WDR12: variants seen among roughly 807,000 people sequenced by gnomAD.
The protein encoded by WDR12 is ribosome biogenesis protein WDR12.
WDR12 carries 42 observed loss-of-function variants against 64.3 expected under a neutral mutation model. The observed-to-expected ratio is 0.65, with a 90% CI of 0.51 to 0.84. The LOEUF (loss-of-function observed/expected upper bound fraction) is 0.84. Ranked by LOEUF, WDR12 falls within the 40% of genes least tolerant of loss-of-function variation. The pLI, the probability that WDR12 is intolerant of heterozygous loss-of-function variation, is 0.00. For synonymous variants in WDR12, 158 were observed against 173.3 expected, an observed-to-expected ratio of 0.91 and a Z score of 0.70; for missense variants, 469 against 494.6, an observed-to-expected ratio of 0.95 and a Z score of 0.49.
In WDR12 at chr2:202,907,893, G is replaced by T. The variant is rs1186896642; in HGVS notation, c.108C>A (p.Ile36=). The change falls in exon 2 of 13, where the codon ATC becomes ATA. Residue 36 remains isoleucine, a synonymous_variant. Transcript: ENST00000261015. ...AASEIADLSN[I]INKLLKDKNE... ...TTTTGTCCTTTAGTAGTTTATTGAT[G>T]ATGTTACTAAGGTCGGCAATTTCAG... 6.2e-7 allele frequency: 1 copy of T among 1,613,832 alleles called. No homozygotes were observed. Among genetic ancestry groups the T allele is most frequent in the African/African-American group, 1.3e-5 (1 of 74,904 alleles).
chr2:202,906,502 C>A (rs1688458973), intron 2 of WDR12, among the ~76,000 whole-genome samples: 2 of 152,190 alleles, frequency 1.3e-5, no homozygotes, highest in South Asian at 4.1e-4. Flanking sequence ...TAACTCTTAC[C>A]TCCTCATTCC....
rs1461541046 is a variant in WDR12 at position 202,874,412 on chromosome 2, G to C, written c.*6448C>G. Among the ~76,000 whole-genome samples, 1 of 152,130 alleles carries C rather than the reference G, an allele frequency of 6.6e-6. No individual in the cohort carries two copies. Among genetic ancestry groups the C allele is most frequent in the African/African-American group, 2.4e-5 (1 of 41,426 alleles). On this transcript the variant is annotated 3_prime_UTR_variant, in exon 13 of 13. Coordinates refer to ENST00000261015, the MANE Select transcript of WDR12 (RefSeq NM_018256.4). Reference sequence around the variant, plus strand: ...AGCTAACTAGACAAGAACATTAGATGACTTGGAATGTAGGGCTCCACAAAT... The same window carrying C: ...AGCTAACTAGACAAGAACATTAGATCACTTGGAATGTAGGGCTCCACAAAT...
intron 3 of WDR12, among the ~76,000 whole-genome samples, chr2:202,900,142 C>T (rs1688323032): frequency 6.6e-6 from 1 of 151,912 alleles, no homozygotes; most frequent in African/African-American, 2.4e-5. Flanking sequence ...TGTGCCTGGC[C>T]AACATGGTGA....
intron 3 of WDR12, among the ~76,000 whole-genome samples, chr2:202,900,753 CATTT>C (rs1688333968): frequency 6.6e-6 from 1 of 152,036 alleles, no homozygotes; most frequent in South Asian, 2.1e-4. Flanking sequence ...AGAATGTGTT[CATTT>C]ATTTCTTGAA....
At chr2:202,882,993 C>A (rs1553540400) in intron 11 of WDR12, 2 of 466,462 alleles carry the variant, frequency 4.3e-6, no homozygotes, top group Non-Finnish European at 7.6e-6. Context: ...CAAATATATT[C>A]AGAAAAAAAT....
chr2:202,904,138 C>CAAAAAAAAAAAAAAAAAAAAAA (rs34378996), intron 2 of WDR12, among the ~76,000 whole-genome samples: 1 of 38,532 alleles, frequency 2.6e-5, no homozygotes, highest in Non-Finnish European at 4.1e-5. Context: ...AACTCTGTCT[C>CAAAAAAAAAAAAAAAAAAAAAA]AAAAAAAAAA....
At chr2:202,886,847 T>A (rs1264154059) in intron 8 of WDR12, among the ~76,000 whole-genome samples, 3 of 152,100 alleles carry the variant, frequency 2.0e-5, no homozygotes, top group Non-Finnish European at 2.9e-5. Context: ...TTTGCTACAT[T>A]TAACTTCCTT....
intron 8 of WDR12, among the ~76,000 whole-genome samples, chr2:202,888,036 GT>G (rs1688083203): frequency 6.6e-6 from 1 of 152,090 alleles, no homozygotes; most frequent in African/African-American, 2.4e-5. Flanking sequence ...AATGTTGATA[GT>G]TTTACTTATA....
At chr2:202,910,560 C>T (rs1476643128) in intron 1 of WDR12, among the ~76,000 whole-genome samples, 1 of 151,986 alleles carries the variant, frequency 6.6e-6, no homozygotes, top group East Asian at 1.9e-4. Flanking sequence ...AAAAGCCCCA[C>T]ATATTTCAAA....
intron 4 of WDR12, among the ~76,000 whole-genome samples, chr2:202,898,846 G>A (rs1034205753): frequency 3.3e-5 from 5 of 151,504 alleles, no homozygotes; most frequent in African/African-American, 9.7e-5. Context: ...AATATTGCTG[G>A]GTGTAGAGAA....
chr2:202,893,630 T>C (rs1394286151), intron 7 of WDR12, among the ~76,000 whole-genome samples: 4 of 152,216 alleles, frequency 2.6e-5, no homozygotes, highest in African/African-American at 9.6e-5. Flanking sequence ...TATTATACTG[T>C]GTAACACAGC....
intron 8 of WDR12, among the ~76,000 whole-genome samples, chr2:202,889,384 ATAAG>A (rs1260779834): frequency 6.6e-6 from 1 of 152,198 alleles, no homozygotes; most frequent in Non-Finnish European, 1.5e-5. Context: ...AAAAAAATCA[ATAAG>A]TAAAATAGAG....
chr2:202,903,623 T>G (rs1194970769), intron 2 of WDR12, among the ~76,000 whole-genome samples: 1 of 152,226 alleles, frequency 6.6e-6, no homozygotes, highest in African/African-American at 2.4e-5. Context: ...TAACGTTATA[T>G]TTGATATAAT....
At chr2:202,903,826 T>C (rs1688400718) in intron 2 of WDR12, among the ~76,000 whole-genome samples, 1 of 151,738 alleles carries the variant, frequency 6.6e-6, no homozygotes, top group Non-Finnish European at 1.5e-5. Flanking sequence ...CAACAAAAAC[T>C]ATAAAACATC....
In WDR12 at chr2:202,878,962, G is replaced by A. The variant is rs896528721; in HGVS notation, c.*1898C>T. On this transcript the variant is annotated 3_prime_UTR_variant, in exon 13 of 13. Transcript: ENST00000261015. ...ATGTTTAATACTGATGAAAGGTTTT[G>A]TCTAAAAAATTTATTCTAATCTACA... The A allele has an allele frequency of 3.3e-5, 5 of 152,014 alleles. No individual in the cohort carries two copies. The highest frequency in any genetic ancestry group is 1.2e-4 in the African/African-American group (5 of 41,354). 9.4% of individuals were successfully genotyped at this position (152,014 alleles called of 1,614,324 possible). A position where few individuals can be genotyped will look rare whatever the true frequency, so the allele number is the denominator to read the frequency against.
In WDR12 at chr2:202,894,439, C is replaced by T; in HGVS notation, c.655+142G>A. 4.7e-6 allele frequency: 3 copies of T among 631,760 alleles called. No homozygotes were observed. The South Asian group carries it at 7.1e-5, about 15-fold the overall frequency. 39.1% of individuals were successfully genotyped at this position (631,760 alleles called of 1,614,324 possible). On this transcript the variant is annotated intron_variant, in intron 7 of 12. Coordinates refer to ENST00000261015, the MANE Select transcript of WDR12 (RefSeq NM_018256.4). ...GTCTCACTATGTGGCCTAGGCTGCT[C>T]TTGAACTCGTGGCCTCAAGTGATCC...
intron 1 of WDR12, 36 bp from the exon 2 acceptor site, chr2:202,907,995 A>C (rs769643959): frequency 7.6e-6 from 12 of 1,573,116 alleles, no homozygotes; most frequent in Admixed American, 1.7e-5. Context: ...GATCAAGTCT[A>C]CAGATATTTG....
At chr2:202,891,671 G>A (rs950345639) in intron 8 of WDR12, among the ~76,000 whole-genome samples, 7 of 152,102 alleles carry the variant, frequency 4.6e-5, no homozygotes, top group Non-Finnish European at 1.0e-4. Flanking sequence ...TTTTATTGGT[G>A]ACTATAAGAA....
rs751075042 is a variant in WDR12, at chr2:202,884,173, T to C, written c.988+25A>G. The C allele has an allele frequency of 2.5e-6, 4 of 1,591,776 alleles. No individual in the cohort carries two copies. The African/African-American group carries it at 5.4e-5, about 21-fold the overall frequency. ...AAATAGATGTTATTCACACATATAT[T>C]CCCCCAGTGGTTTACATGACTCACC... is the stretch of plus-strand genomic sequence containing the variant. On this transcript the variant is annotated intron_variant, in intron 10 of 12. Coordinates refer to ENST00000261015, the MANE Select transcript of WDR12 (RefSeq NM_018256.4).
Sources: gnomAD v4.1 joint callset for allele counts (sites outside exome capture counted in the v4.1 genomes callset) on GRCh38, gnomAD v4.1.1 for gene constraint, MANE v1.5 for transcripts, NCBI Gene and HGNC (gene_info 2026-07-23, HGNC 2026-07-21) for gene names.